The following RPS6KA2 variants were observed in gnomAD, a reference collection of about 807,000 sequenced individuals.
The protein encoded by RPS6KA2 is ribosomal protein S6 kinase alpha-2.
In RPS6KA2, 42 loss-of-function variants were observed where a neutral mutation model predicts 91.8. That is an observed-to-expected ratio of 0.46 (90% CI 0.36 to 0.59). The LOEUF is 0.59. Among genes scored for constraint, RPS6KA2 ranks in the 20% least tolerant of loss-of-function variants. The probability of loss-of-function intolerance (pLI) is 0.00; values close to 1 mark genes in which losing one functional copy is unlikely to be tolerated. For missense variants in RPS6KA2, 798 were observed against 978.5 expected, an observed-to-expected ratio of 0.82 and a Z score of 2.46; for synonymous variants, 414 against 393.6, an observed-to-expected ratio of 1.05 and a Z score of -0.61.
intron 2 of RPS6KA2, among the ~76,000 whole-genome samples, chr6:166,664,130 T>C (rs1329756527): frequency 6.6e-6 from 1 of 152,260 alleles, no homozygotes; most frequent in Non-Finnish European, 1.5e-5. Flanking sequence ...AGGCCATTCT[T>C]TTTAGCATTG....
chr6:166,510,294 A>C lies in RPS6KA2; in HGVS notation c.362T>G (p.Ile121Ser). 1 of 1,603,356 alleles carries C rather than the reference A, an allele frequency of 6.2e-7. No homozygotes were observed. Among genetic ancestry groups the C allele is most frequent in the Non-Finnish European group, 8.5e-7 (1 of 1,172,616 alleles). Residue 121 changes from isoleucine to serine, a missense_variant, in exon 4 of 21, where the codon ATT becomes AGT. Coordinates refer to ENST00000265678, the MANE Select transcript of RPS6KA2 (RefSeq NM_021135.6). The stretch of plus-strand genomic sequence containing the variant: ...CTACTTACCATAATGAAGCTTCACA[A>C]TGAAGGGGTGATTCACTTCTGCCAA... The part of the protein sequence containing the change: ...DILAEVNHPF[I>S]VKLHYAFQTE...
In RPS6KA2 at chr6:166,626,892, C is replaced by A. The variant is rs956719864; in HGVS notation, c.99+29G>T. The stretch of plus-strand genomic sequence containing the variant: ...ACCACGGCCCGCTCAGTGCCCGGCA[C>A]CTGCGCGCCCCGAGGGCGGCCGCAT... On this transcript the variant is annotated intron_variant, in intron 1 of 20. Transcript: ENST00000265678. This position sits in a 1 kb window ranked among gnomAD's most constrained non-coding sequence, Gnocchi z 4.1. The A allele has an allele frequency of 6.2e-6, 9 of 1,460,556 alleles. No homozygotes were observed. The African/African-American group carries it at 1.3e-4, about 21-fold the overall frequency. The allele number at this position is 1,460,556 out of a possible 1,614,324, so 90.5% of individuals were successfully genotyped here.
chr6:166,584,641 A>G (rs575717708), intron 1 of RPS6KA2, among the ~76,000 whole-genome samples: 3 of 152,358 alleles, frequency 2.0e-5, no homozygotes, highest in South Asian at 4.1e-4. Context: ...GTATACCCCA[A>G]TCTGGTCATT....
chr6:166,571,178 C>T (rs762193568), intron 1 of RPS6KA2, among the ~76,000 whole-genome samples: 21 of 152,184 alleles, frequency 1.4e-4, no homozygotes, highest in Non-Finnish European at 2.6e-4. Flanking sequence ...AAACAGTAAG[C>T]GCGGGACCAA....
chr6:166,837,088 C>T (rs369378501), intron 2 of RPS6KA2, among the ~76,000 whole-genome samples: 2 of 152,218 alleles, frequency 1.3e-5, no homozygotes, highest in East Asian at 3.9e-4. Context: ...TCACTGCGTG[C>T]CCCGCCCGAG....
At chr6:166,693,299 G>A (rs1340609347) in intron 2 of RPS6KA2, among the ~76,000 whole-genome samples, 1 of 152,234 alleles carries the variant, frequency 6.6e-6, no homozygotes, top group East Asian at 1.9e-4. Context: ...TGAGAAGGCT[G>A]CAGATCAAGC....
At chr6:166,765,480 CG>C (rs541653410) in intron 2 of RPS6KA2, among the ~76,000 whole-genome samples, 448 of 152,268 alleles carry the variant, frequency 2.9e-3, no homozygotes, top group Non-Finnish European at 5.5e-3. Flanking sequence ...AGCTCAGGGA[CG>C]GGCGCAGTGT....
intron 2 of RPS6KA2, among the ~76,000 whole-genome samples, chr6:166,766,420 A>G (rs1192384482): frequency 6.6e-6 from 1 of 152,214 alleles, no homozygotes; most frequent in Non-Finnish European, 1.5e-5. Context: ...AATGAAGAAA[A>G]GAAAAAATAC....
chr6:166,759,696 A>G (rs951872808), intron 2 of RPS6KA2, among the ~76,000 whole-genome samples: 2 of 152,176 alleles, frequency 1.3e-5, no homozygotes, highest in African/African-American at 4.8e-5. Flanking sequence ...TGGATCTTAA[A>G]ATATATGTGC....
intron 1 of RPS6KA2, among the ~76,000 whole-genome samples, chr6:166,610,964 T>C (rs1016914823): frequency 6.6e-6 from 1 of 152,172 alleles, no homozygotes; most frequent in Non-Finnish European, 1.5e-5. Context: ...GAGAGTATTA[T>C]GAGAATGAGA....
upstream of RPS6KA2, among the ~76,000 whole-genome samples, chr6:166,630,817 A>G (rs1421013844): frequency 6.6e-6 from 1 of 152,258 alleles, no homozygotes; most frequent in Non-Finnish European, 1.5e-5. Context: ...TGTACTTGAA[A>G]TGTTTATGAC....
intron 1 of RPS6KA2, among the ~76,000 whole-genome samples, chr6:166,602,793 G>A (rs1217784991): frequency 2.0e-5 from 3 of 152,210 alleles, no homozygotes; most frequent in Non-Finnish European, 2.9e-5. Flanking sequence ...CAACTGTATC[G>A]ATAACTTCTT....
At chr6:166,516,599 T>C (rs757448882) in intron 3 of RPS6KA2, among the ~76,000 whole-genome samples, 3 of 152,206 alleles carry the variant, frequency 2.0e-5, no homozygotes, top group Non-Finnish European at 4.4e-5. Flanking sequence ...GGGGCTGCCA[T>C]TGAGGACCCG....
intron 2 of RPS6KA2, among the ~76,000 whole-genome samples, chr6:166,674,758 T>C (rs1341230272): frequency 6.6e-6 from 1 of 152,138 alleles, no homozygotes; most frequent in East Asian, 1.9e-4. Flanking sequence ...AACCTCCGCC[T>C]CCCGGGTTCA....
chr6:166,795,061 A>T (rs1779189900), intron 2 of RPS6KA2, among the ~76,000 whole-genome samples: 1 of 152,070 alleles, frequency 6.6e-6, no homozygotes, highest in Non-Finnish European at 1.5e-5. Context: ...ATCCATTCTA[A>T]AAGAAATGTT....
chr6:166,659,352 GCA>G (rs1421206677), intron 2 of RPS6KA2, among the ~76,000 whole-genome samples: 1 of 152,136 alleles, frequency 6.6e-6, no homozygotes, highest in African/African-American at 2.4e-5. Context: ...GCTGACCTCT[GCA>G]CAGTTCTGGA....
chr6:166,444,681 C>T (rs1779623595), intron 14 of RPS6KA2, among the ~76,000 whole-genome samples: 1 of 152,176 alleles, frequency 6.6e-6, no homozygotes. Context: ...CGGACTGCCC[C>T]AGTGAAGGAT....
intron 2 of RPS6KA2, 84 bp downstream of exon 2, chr6:166,538,584 T>C: frequency 2.6e-6 from 2 of 775,668 alleles, no homozygotes; most frequent in South Asian, 1.5e-5. Flanking sequence ...GAGGACCGCC[T>C]GCAATTTTCA....
At chr6:166,595,471 A>G (rs987132506) in intron 1 of RPS6KA2, among the ~76,000 whole-genome samples, 1 of 152,216 alleles carries the variant, frequency 6.6e-6, no homozygotes, top group Non-Finnish European at 1.5e-5. Context: ...TGTATCCTCC[A>G]CCCGCACAGA....
Sources: allele counts gnomAD v4.1 joint callset (sites outside exome capture counted in the v4.1 genomes callset), GRCh38; gene constraint gnomAD v4.1.1; non-coding constraint Gnocchi (gnomAD v3.1); transcripts MANE v1.5; gene names NCBI Gene and HGNC (gene_info 2026-07-23, HGNC 2026-07-21).